Variants in HNRNPC observed in about 807,000 individuals in gnomAD.
HNRNPC encodes the protein heterogeneous nuclear ribonucleoproteins C1/C2.
HNRNPC carries 3 observed loss-of-function variants against 33.2 expected under a neutral mutation model. The ratio of observed to expected loss-of-function variants is 0.09; its 90% CI spans 0.04 to 0.23. The LOEUF (loss-of-function observed/expected upper bound fraction) is 0.23, where lower values mean the gene tolerates loss of function less well. HNRNPC is among the 10% of genes least tolerant of loss of function. HNRNPC has a pLI of 1.00. For synonymous variants in HNRNPC, 121 were observed against 126.7 expected (o/e 0.96, Z 0.30); for missense variants, 143 against 366.7 (o/e 0.39, Z 4.98).
At chr14:21,225,919 CTAGATA>C (rs1321372269) in intron 5 of HNRNPC, among the ~76,000 whole-genome samples, 1 of 152,012 alleles carries the variant, frequency 6.6e-6, no homozygotes, top group Non-Finnish European at 1.5e-5. Flanking sequence ...TAGTTTATAT[CTAGATA>C]TAGTTTTAGT....
intron 1 of HNRNPC, chr14:21,264,198 C>G (rs1878618599): frequency 6.6e-6 from 1 of 152,066 alleles, no homozygotes; most frequent in South Asian, 2.1e-4. Context: ...AAAACCTAAG[C>G]AGATTCATGG....
chr14:21,230,432 G>C, intron 4 of HNRNPC, 66 bp from the exon 5 acceptor site: 1 of 1,168,268 alleles, frequency 8.6e-7, no homozygotes, highest in Non-Finnish European at 1.3e-6. Context: ...TGTCAGGTGA[G>C]GGGAGAACCA....
chr14:21,253,928 T>C (rs1324806303), intron 2 of HNRNPC, among the ~76,000 whole-genome samples: 3 of 151,152 alleles, frequency 2.0e-5, no homozygotes. Flanking sequence ...ATTAGCTGGG[T>C]GTGTTGGCAC....
chr14:21,255,081 G>T (rs1227487724), intron 2 of HNRNPC, among the ~76,000 whole-genome samples: 1 of 152,116 alleles, frequency 6.6e-6, no homozygotes, highest in Non-Finnish European at 1.5e-5. Context: ...TTATTTAAAG[G>T]ATCAATATAG....
At chr14:21,218,410 G>A (rs1240672352) in intron 5 of HNRNPC, among the ~76,000 whole-genome samples, 1 of 152,000 alleles carries the variant, frequency 6.6e-6, no homozygotes, top group African/African-American at 2.4e-5. Flanking sequence ...TTGAGGCTGG[G>A]CATGGTAGCC....
intron 3 of HNRNPC, among the ~76,000 whole-genome samples, chr14:21,232,501 C>G (rs1047218079): frequency 5.9e-5 from 9 of 151,980 alleles, no homozygotes; most frequent in Admixed American, 2.0e-4. Context: ...TCCTGAGCGG[C>G]TGGGATTACC....
intron 5 of HNRNPC, among the ~76,000 whole-genome samples, chr14:21,220,970 AG>A (rs1892764659): frequency 6.6e-6 from 1 of 152,158 alleles, no homozygotes; most frequent in African/African-American, 2.4e-5. Context: ...CGGTATTCCC[AG>A]GAACTCACAA....
At chr14:21,260,438 T>C (rs1878032021) in intron 2 of HNRNPC, among the ~76,000 whole-genome samples, 1 of 151,302 alleles carries the variant, frequency 6.6e-6, no homozygotes, top group African/African-American at 2.4e-5. Flanking sequence ...AAATTTAAAG[T>C]TATAAATAAA....
intron 5 of HNRNPC, 105 bp downstream of exon 5, chr14:21,230,214 G>A (rs932296321): frequency 8.5e-6 from 6 of 705,058 alleles, no homozygotes; most frequent in Non-Finnish European, 1.5e-5. Flanking sequence ...GGAGTTAGGG[G>A]AGTATGTTTG....
chr14:21,226,331 A>G (rs77013504), intron 5 of HNRNPC, among the ~76,000 whole-genome samples: 32 of 144,736 alleles, frequency 2.2e-4, no homozygotes, highest in Admixed American at 1.0e-3. Context: ...CCAAAAGAAA[A>G]AAAAAAAAAA....
intron 5 of HNRNPC, among the ~76,000 whole-genome samples, chr14:21,226,761 T>C: frequency 6.6e-6 from 1 of 151,064 alleles, no homozygotes; most frequent in East Asian, 2.0e-4. Flanking sequence ...ACACCTGTAA[T>C]CCCAGCTACC....
At chr14:21,245,264 G>C (rs1341926004) in intron 2 of HNRNPC, among the ~76,000 whole-genome samples, 2 of 152,096 alleles carry the variant, frequency 1.3e-5, no homozygotes, top group East Asian at 3.9e-4. Context: ...TGGAGGCCGA[G>C]GTGGGTGGAT....
chr14:21,220,191 G>A (rs1327874445), intron 5 of HNRNPC, among the ~76,000 whole-genome samples: 1 of 151,036 alleles, frequency 6.6e-6, no homozygotes, highest in African/African-American at 2.4e-5. Flanking sequence ...TATGCGTCAC[G>A]TGATGTCTTT....
Position 21,234,125 on chromosome 14 carries a change from G to C in HNRNPC, c.69C>G (p.Leu23=). Residue 23 remains leucine, a synonymous_variant, in exon 3 of 9, where the codon CTC becomes CTG. Coordinates refer to ENST00000553300, the MANE Select transcript of HNRNPC (RefSeq NM_004500.4). Reference sequence around the variant, plus strand: ...CAGATTTCTTGACCACAAGAGTGTTGAGATTCCCAATGAATACACGGGAGT... The same window carrying C: ...CAGATTTCTTGACCACAAGAGTGTTCAGATTCCCAATGAATACACGGGAGT... ...SMNSRVFIGN[L]NTLVVKKSDV... is the part of the protein sequence containing the mutation. 2 of 1,614,034 alleles carry C rather than the reference G, an allele frequency of 1.2e-6. No homozygotes were observed. The highest frequency in any genetic ancestry group is 1.7e-6 in the Non-Finnish European group (2 of 1,179,950).
intron 2 of HNRNPC, among the ~76,000 whole-genome samples, chr14:21,249,535 T>C (rs888867901): frequency 1.5e-5 from 2 of 136,154 alleles, no homozygotes; most frequent in African/African-American, 5.7e-5. Flanking sequence ...GCAGGGAGCC[T>C]AGATCTCGCC....
chr14:21,263,072 G>A (rs538097663), intron 2 of HNRNPC: 2 of 152,068 alleles, frequency 1.3e-5, no homozygotes, highest in South Asian at 2.1e-4. Flanking sequence ...TAATGCCTTC[G>A]CTTTCTCTCC....
At chr14:21,263,215 TATAATA>T (rs768828007) in intron 2 of HNRNPC, 90 bp downstream of exon 2, 21 of 152,190 alleles carry the variant, frequency 1.4e-4, no homozygotes, top group African/African-American at 2.7e-4. Flanking sequence ...TAAGTATTAA[TATAATA>T]ATAATAAGTA....
At chr14:21,267,188 T>A (rs1446224709) in intron 1 of HNRNPC, among the ~76,000 whole-genome samples, 2 of 151,666 alleles carry the variant, frequency 1.3e-5, no homozygotes, top group African/African-American at 4.8e-5. Context: ...AACAAAAAAT[T>A]TGAATTAGAA....
intron 2 of HNRNPC, among the ~76,000 whole-genome samples, chr14:21,239,857 G>A (rs367861068): frequency 1.3e-5 from 2 of 152,130 alleles, no homozygotes; most frequent in Admixed American, 6.6e-5. Flanking sequence ...CTTGGCAACC[G>A]TGTGAGACTG....
Sources: gnomAD v4.1 joint callset for allele counts (sites outside exome capture counted in the v4.1 genomes callset) on GRCh38, gnomAD v4.1.1 for gene constraint, MANE v1.5 for transcripts, NCBI Gene and HGNC (gene_info 2026-07-23, HGNC 2026-07-21) for gene names.